The following ALKBH3 variants were observed in gnomAD, a reference collection of about 807,000 sequenced individuals.
ALKBH3 encodes alpha-ketoglutarate-dependent dioxygenase alkB homolog 3.
Under a neutral mutation model 43.9 loss-of-function variants are expected in ALKBH3, and 51 were observed. The observed-to-expected ratio is 1.16, with a 90% confidence interval of 0.93 to 1.47. The LOEUF (loss-of-function observed/expected upper bound fraction) is 1.47. ALKBH3 is among the 40% of genes most tolerant of loss of function. ALKBH3 has a pLI of 0.00. For synonymous variants in ALKBH3, 102 were observed against 115.2 expected (o/e 0.89, Z 0.73); for missense variants, 361 against 351.9 (o/e 1.03, Z -0.21).
At chr11:43,906,099 ATTGAGCTACAGCAAG>A (rs1285917883) in intron 8 of ALKBH3, among the ~76,000 whole-genome samples, 1 of 152,210 alleles carries the variant, frequency 6.6e-6, no homozygotes, top group Non-Finnish European at 1.5e-5. Context: ...CCTCAGGGTG[ATTGAGCTACAGCAAG>A]TTGAGCCCTC....
chr11:43,902,352 C>G (rs978740820), intron 8 of ALKBH3, among the ~76,000 whole-genome samples: 2 of 152,198 alleles, frequency 1.3e-5, no homozygotes. Context: ...GATATAATAA[C>G]TTCAGTTTCC....
At chr11:43,898,929 C>G (rs1951840528) in intron 7 of ALKBH3, 1 of 746,080 alleles carries the variant, frequency 1.3e-6, no homozygotes, top group African/African-American at 1.7e-5. Context: ...TGGACTGGTC[C>G]CCAAATCTCT....
intron 8 of ALKBH3, among the ~76,000 whole-genome samples, chr11:43,917,608 C>T (rs1168095002): frequency 2.0e-5 from 3 of 152,214 alleles, no homozygotes; most frequent in Non-Finnish European, 2.9e-5. Context: ...CTCCGGATAT[C>T]TTTTCCCCAG....
intron 6 of ALKBH3, among the ~76,000 whole-genome samples, chr11:43,890,495 T>C (rs924346418): frequency 6.6e-6 from 1 of 152,166 alleles, no homozygotes; most frequent in Non-Finnish European, 1.5e-5. Flanking sequence ...AAAGTATATA[T>C]AGTTGTCCCT....
intron 8 of ALKBH3, among the ~76,000 whole-genome samples, chr11:43,905,200 C>T (rs1951887649): frequency 6.6e-6 from 1 of 152,182 alleles, no homozygotes; most frequent in Non-Finnish European, 1.5e-5. Context: ...CTTGCAGCAG[C>T]TGTTTATTTT....
At chr11:43,900,771 T>C (rs979446336) in intron 7 of ALKBH3, among the ~76,000 whole-genome samples, 6 of 152,138 alleles carry the variant, frequency 3.9e-5, no homozygotes, top group African/African-American at 9.7e-5. Flanking sequence ...AAGTACAATC[T>C]AAGGTCAGGG....
intron 7 of ALKBH3, chr11:43,897,708 T>G: frequency 1.2e-6 from 1 of 811,802 alleles, no homozygotes; most frequent in Non-Finnish European, 2.2e-6. Context: ...CCAGAAGAAC[T>G]CACTGAATTC....
chr11:43,901,868 C>A, intron 8 of ALKBH3, 143 bp downstream of exon 8: 1 of 1,035,760 alleles, frequency 9.7e-7, no homozygotes, highest in Non-Finnish European at 1.4e-6. Context: ...ACTACTTCCC[C>A]ATGGTTAACT....
At chr11:43,901,437 TC>T in intron 7 of ALKBH3, 78 bp from the exon 8 acceptor site, 1 of 1,558,186 alleles carries the variant, frequency 6.4e-7, no homozygotes, top group Non-Finnish European at 8.8e-7. Context: ...TTTTGCCCTT[TC>T]TTTTCTGTTT....
intron 1 of ALKBH3, 94 bp from the exon 2 acceptor site, chr11:43,882,489 A>G (rs1397358427): frequency 1.8e-6 from 1 of 550,040 alleles, no homozygotes; most frequent in Non-Finnish European, 3.2e-6. Context: ...CTCTATTGCC[A>G]TTGAGAGTCT....
Position 43,905,592 on chromosome 11 carries a change from C to T in ALKBH3, c.669+3867C>T, listed in dbSNP as rs539509146. Among the ~76,000 whole-genome samples, 38 of 152,174 alleles carry T rather than the reference C, an allele frequency of 2.5e-4. 1 individual carries two copies. The highest frequency in any genetic ancestry group is 5.1e-4 in the Non-Finnish European group (35 of 68,010). Reference sequence around the variant, plus strand: ...TTTAAGCTTGCTTTTACATTCATTCCGATTCCTTTTTTGTTTAGTTCAAAT... The same window carrying T: ...TTTAAGCTTGCTTTTACATTCATTCTGATTCCTTTTTTGTTTAGTTCAAAT... On this transcript the variant is annotated intron_variant, in intron 8 of 9. Transcript: ENST00000302708.
intron 4 of ALKBH3, among the ~76,000 whole-genome samples, chr11:43,885,848 G>A (rs1951742828): frequency 6.6e-6 from 1 of 152,172 alleles, no homozygotes; most frequent in South Asian, 2.1e-4. Context: ...GTAACACAGA[G>A]GATGAGAGGT....
chr11:43,918,139 C>G (rs1565131528), intron 8 of ALKBH3, among the ~76,000 whole-genome samples: 1 of 152,278 alleles, frequency 6.6e-6, no homozygotes, highest in East Asian at 1.9e-4. Flanking sequence ...GTGAAGAAAT[C>G]AGGAAGCTCA....
intron 7 of ALKBH3, chr11:43,899,117 C>G (rs892556016): frequency 1.3e-6 from 1 of 771,532 alleles, no homozygotes; most frequent in Non-Finnish European, 2.4e-6. Context: ...TCTTTAACAT[C>G]TATCACTCCA....
intron 7 of ALKBH3, 137 bp from the exon 8 acceptor site, chr11:43,901,379 C>G (rs1590374624): frequency 1.2e-6 from 1 of 851,318 alleles, no homozygotes; most frequent in Admixed American, 2.6e-5. Context: ...CTGTTTATTG[C>G]ATTCCATGTG....
In ALKBH3 at chr11:43,892,191, T is replaced by C. The variant is rs969626961; in HGVS notation, c.459+62T>C. 3.5e-5 allele frequency: 49 copies of C among 1,387,840 alleles called. No homozygotes were observed. The Admixed American group carries it at 7.9e-4, about 22-fold the overall frequency. 86.0% of individuals were successfully genotyped at this position (1,387,840 alleles called of 1,614,324 possible). On this transcript the variant is annotated intron_variant, in intron 7 of 9. Coordinates refer to ENST00000302708, the MANE Select transcript of ALKBH3 (RefSeq NM_139178.4). The stretch of plus-strand genomic sequence containing the variant: ...ACTATATACTATGTGTTGAGTGCTA[T>C]AAAATAACAACAAATTACCTTGCAG...
chr11:43,901,824 A>G (rs1951866132), intron 8 of ALKBH3, 99 bp downstream of exon 8: 1 of 1,371,714 alleles, frequency 7.3e-7, no homozygotes, highest in East Asian at 2.3e-5. Flanking sequence ...CGAGCATGGG[A>G]ATACACATTT....
chr11:43,891,967 C>A, intron 6 of ALKBH3, 74 bp from the exon 7 acceptor site: 1 of 1,154,808 alleles, frequency 8.7e-7, no homozygotes, highest in Non-Finnish European at 1.3e-6. Flanking sequence ...CATTGCAAGG[C>A]ACAAAGTTGG....
At chr11:43,895,937 G>C (rs538863095) in intron 7 of ALKBH3, among the ~76,000 whole-genome samples, 1 of 152,120 alleles carries the variant, frequency 6.6e-6, no homozygotes, top group African/African-American at 2.4e-5. Flanking sequence ...CTTCCCAATA[G>C]TCTTCTTAAT....
Sources: gnomAD v4.1 joint callset for allele counts (sites outside exome capture counted in the v4.1 genomes callset) on GRCh38, gnomAD v4.1.1 for gene constraint, MANE v1.5 for transcripts, NCBI Gene and HGNC (gene_info 2026-07-23, HGNC 2026-07-21) for gene names.